The following TMC5 variants were observed in gnomAD, a reference collection of about 807,000 sequenced individuals.
The protein encoded by TMC5 is transmembrane channel like 5, also known as transmembrane channel-like protein 5.
TMC5 carries 86 observed loss-of-function variants against 110.5 expected under a neutral mutation model. The observed-to-expected ratio is 0.78, with a 90% CI of 0.65 to 0.93. The LOEUF is 0.93. Ranked by LOEUF, TMC5 falls within the 40% of genes least tolerant of loss-of-function variation. TMC5 has a pLI of 0.00. For missense variants in TMC5, 1,144 were observed against 1,222.8 expected (o/e 0.94, Z 0.96); for synonymous variants, 455 against 439.5 (o/e 1.04, Z -0.44).
At chr16:19,413,445 G>C (rs1283233262), upstream of TMC5, among the ~76,000 whole-genome samples, 1 of 146,324 alleles carries the variant, frequency 6.8e-6, no homozygotes, top group African/African-American at 2.5e-5. Context: ...AATTGCTTGA[G>C]CCCGGGAGGC....
intron 3 of TMC5, among the ~76,000 whole-genome samples, chr16:19,441,122 T>A (rs1967478096): frequency 6.6e-6 from 1 of 152,126 alleles, no homozygotes; most frequent in Non-Finnish European, 1.5e-5. Flanking sequence ...ATCCACACTG[T>A]TTTGACCCTG....
At chr16:19,431,576 A>G (rs1382303619) in intron 2 of TMC5, among the ~76,000 whole-genome samples, 1 of 151,794 alleles carries the variant, frequency 6.6e-6, no homozygotes, top group Non-Finnish European at 1.5e-5. Flanking sequence ...GAAGAAGACA[A>G]AATGTACGGC....
rs1462528971 is a variant in TMC5 at position 19,498,731 on chromosome 16, G to C, written c.*765G>C. The C allele has an allele frequency of 6.6e-6, 1 of 152,038 alleles. No homozygotes were observed. Among genetic ancestry groups the C allele is most frequent in the Admixed American group, 6.6e-5 (1 of 15,248 alleles). 9.4% of individuals were successfully genotyped at this position (152,038 alleles called of 1,614,324 possible). A position where few individuals can be genotyped will look rare whatever the true frequency, so the allele number is the denominator to read the frequency against. ...AATATAATCAGCGCTGGCAATTTTT[G>C]ACAGTCTCTACGGAGACTGAATAAG... On this transcript the variant is annotated 3_prime_UTR_variant, in exon 22 of 22. Transcript: ENST00000542583.
Position 19,430,636 on chromosome 16 carries a change from A to G in TMC5, c.-84A>G, listed in dbSNP as rs1397962625. 2.0e-5 allele frequency: 3 copies of G among 152,312 alleles called. No individual in the cohort carries two copies. The highest frequency in any genetic ancestry group is 4.4e-5 in the Non-Finnish European group (3 of 68,040). 9.4% of individuals were successfully genotyped at this position (152,312 alleles called of 1,614,324 possible). A position where few individuals can be genotyped will look rare whatever the true frequency, so the allele number is the denominator to read the frequency against. On this transcript the variant is annotated 5_prime_UTR_variant, in exon 2 of 22. Transcript: ENST00000542583. Reference sequence around the variant, plus strand: ...GGACAAAGCAAGAACAATAAGGGCAAAAAAGTAAGTTTTCATACAGCTGAA... The same window carrying G: ...GGACAAAGCAAGAACAATAAGGGCAGAAAAGTAAGTTTTCATACAGCTGAA...
chr16:19,436,065 C>T (rs1458148907), intron 2 of TMC5, among the ~76,000 whole-genome samples: 8 of 151,848 alleles, frequency 5.3e-5, no homozygotes, highest in Non-Finnish European at 1.2e-4. Context: ...AGTTCGAGAC[C>T]AGTCTGGCCA....
At chr16:19,473,013 C>T (rs1968383012) in intron 11 of TMC5, among the ~76,000 whole-genome samples, 1 of 152,076 alleles carries the variant, frequency 6.6e-6, no homozygotes. Context: ...AGTGCTGCCT[C>T]CTCCTGGAGG....
At position 19,471,042 on chromosome 16, in the gene TMC5, A is replaced by G. The variant is rs935852762; in HGVS notation, c.1783-1046A>G. Among the ~76,000 whole-genome samples the G allele has an allele frequency of 1.4e-4, 21 of 152,278 alleles. No individual in the cohort carries two copies. In the East Asian group the frequency reaches 1.5e-3, roughly 11 times the overall value. On this transcript the variant is annotated intron_variant, in intron 10 of 21. Transcript: ENST00000542583. ...CAAGAGTGAAACTCCATCTCCAGAA[A>G]AAAACAAAGAGCAAGCTGATTTTAT...
upstream of TMC5, among the ~76,000 whole-genome samples, chr16:19,415,566 T>C (rs1452270747): frequency 6.6e-6 from 1 of 152,200 alleles, no homozygotes; most frequent in African/African-American, 2.4e-5. Context: ...ACTGCCAAGG[T>C]TGAGAAATCC....
upstream of TMC5, among the ~76,000 whole-genome samples, chr16:19,416,423 C>A (rs1231507584): frequency 1.3e-5 from 2 of 152,138 alleles, no homozygotes; most frequent in African/African-American, 4.8e-5. Context: ...CAGAGAAAAC[C>A]CTTTGTGATG....
At chr16:19,479,672 A>C in intron 14 of TMC5, 144 bp downstream of exon 14, 1 of 646,264 alleles carries the variant, frequency 1.5e-6, no homozygotes. Flanking sequence ...GATACTGTTC[A>C]CTTCTAAATT....
chr16:19,494,828 T>C (rs1425958223), intron 20 of TMC5, among the ~76,000 whole-genome samples: 2 of 151,948 alleles, frequency 1.3e-5, no homozygotes, highest in African/African-American at 2.4e-5. Context: ...ATATTCATTT[T>C]TTCAGCACTT....
chr16:19,440,708 G>C lies in TMC5; in HGVS notation c.670G>C (p.Asp224His), dbSNP rs775700467. The C allele has an allele frequency of 5.6e-6, 9 of 1,614,192 alleles. No individual in the cohort carries two copies. Among genetic ancestry groups the C allele is most frequent in the Non-Finnish European group, 7.6e-6 (9 of 1,180,026 alleles). The change falls in exon 3 of 22, where the codon GAC (aspartate) becomes CAC (histidine). Residue 224 changes from aspartate to histidine, a missense_variant. Transcript: ENST00000542583. ...CTCTCCACCCTTTTTTGGGGAGCCA[G>C]ACTATCCCAGTGCTGAGGACAATCA... The part of the protein sequence containing the change: ...PNSPPFFGEP[D>H]YPSAEDNQNL...
intron 19 of TMC5, among the ~76,000 whole-genome samples, chr16:19,492,943 A>T (rs55682318): frequency 0.029 from 2,666 of 90,958 alleles, 400 homozygotes; most frequent in South Asian, 0.091. Flanking sequence ...TCTCTCTATA[A>T]GATAAATACT....
chr16:19,418,877 G>A (rs1299161164), intron 1 of TMC5, among the ~76,000 whole-genome samples: 1 of 152,028 alleles, frequency 6.6e-6, no homozygotes, highest in Non-Finnish European at 1.5e-5. Context: ...ATAGGCACAT[G>A]CCACCATGCC....
chr16:19,435,077 A>G (rs1967311414), intron 2 of TMC5, among the ~76,000 whole-genome samples: 1 of 152,186 alleles, frequency 6.6e-6, no homozygotes, highest in African/African-American at 2.4e-5. Flanking sequence ...ATTTATGTAT[A>G]AGAAAATTGG....
intron 15 of TMC5, among the ~76,000 whole-genome samples, chr16:19,482,089 T>G (rs1026100210): frequency 1.3e-5 from 2 of 152,202 alleles, no homozygotes; most frequent in African/African-American, 4.8e-5. Flanking sequence ...AGACGGAGTC[T>G]CCCTCTGTCG....
chr16:19,450,784 T>A (rs994320694), intron 5 of TMC5, among the ~76,000 whole-genome samples: 1 of 152,226 alleles, frequency 6.6e-6, no homozygotes, highest in Non-Finnish European at 1.5e-5. Context: ...CTGTGGCTAA[T>A]GCCTGTGTTG....
Position 19,479,460 on chromosome 16 carries a change from CT to C in TMC5, c.2200del (p.Tyr734ThrfsTer5), listed in dbSNP as rs1567322019. On this transcript the variant is annotated frameshift_variant, in exon 14 of 22. Coordinates refer to ENST00000542583, the MANE Select transcript of TMC5 (RefSeq NM_001261841.2). LOFTEE classifies it high-confidence loss of function. ...CWETLIGQDI[Y>X]RLLLMDFVFS... ...GGGAAACCCTCATTGGCCAGGACAT[CT>C]ACCGGCTCCTTCTGATGGATTTTGT... 6.2e-7 allele frequency: 1 copy of C among 1,614,110 alleles called. No homozygotes were observed. The highest frequency in any genetic ancestry group is 1.7e-5 in the Admixed American group (1 of 60,010).
chr16:19,468,527 A>C (rs759855335), intron 9 of TMC5, among the ~76,000 whole-genome samples: 3 of 152,176 alleles, frequency 2.0e-5, no homozygotes, highest in Non-Finnish European at 4.4e-5. Flanking sequence ...TGAATATGTA[A>C]CTTCGCATAA....
Sources: gnomAD v4.1 joint callset for allele counts (sites outside exome capture counted in the v4.1 genomes callset) on GRCh38, gnomAD v4.1.1 for gene constraint, MANE v1.5 for transcripts, NCBI Gene and HGNC (gene_info 2026-07-23, HGNC 2026-07-21) for gene names.